The following RET variants were observed in gnomAD, a reference collection of about 807,000 sequenced individuals.
The protein encoded by RET is ret proto-oncogene.
A neutral mutation model predicts 118.3 loss-of-function variants in RET; 19 were observed. The observed-to-expected ratio is 0.16, with a 90% CI of 0.11 to 0.24. RET has a LOEUF of 0.24. Among genes scored for constraint, RET ranks in the 10% least tolerant of loss-of-function variants. The pLI is 1.00. For synonymous variants in RET, 597 were observed against 644.1 expected, an observed-to-expected ratio of 0.93 and a Z score of 1.11; for missense variants, 1,219 against 1,502.1, an observed-to-expected ratio of 0.81 and a Z score of 3.12.
At chr10:43,089,643 G>A (rs1018354251) in intron 1 of RET, among the ~76,000 whole-genome samples, 11 of 152,322 alleles carry the variant, frequency 7.2e-5, no homozygotes, top group African/African-American at 1.7e-4. Context: ...TACCAGGGCC[G>A]ACAGCATTGT....
rs375576038 is a variant in RET at position 43,102,395 on chromosome 10, T to C, written c.391T>C (p.Ser131Pro). Reference sequence around the variant, plus strand: ...CCTCAAGGTCTTCCTGTCACCCACATCCCTTCGTGAGGGCGAGTGCCAGTG... The same window carrying C: ...CCTCAAGGTCTTCCTGTCACCCACACCCCTTCGTGAGGGCGAGTGCCAGTG... ...VYLKVFLSPT[S>P]LREGECQWPG... Residue 131 changes from serine to proline, a missense_variant, in exon 3 of 20, where the codon TCC (serine) becomes CCC (proline). Around this residue, in one of 5 missense-constraint regions of RET, gnomAD observed 84 missense variants for 163.6 expected, o/e 0.51. Coordinates refer to ENST00000355710, the MANE Select transcript of RET (RefSeq NM_020975.6). The C allele has an allele frequency of 3.7e-6, 6 of 1,614,224 alleles. No individual in the cohort carries two copies. The highest frequency in any genetic ancestry group is 4.2e-6 in the Non-Finnish European group (5 of 1,180,034).
At position 43,102,541 on chromosome 10, in the gene RET, C is replaced by T. The variant is rs1837664079; in HGVS notation, c.537C>T (p.Asn179=). 6.2e-7 allele frequency: 1 copy of T among 1,614,122 alleles called. No individual in the cohort carries two copies. Among genetic ancestry groups the T allele is most frequent in the South Asian group, 1.1e-5 (1 of 91,086 alleles). The change falls in exon 3 of 20, where the codon AAC becomes AAT. Residue 179 remains asparagine (N), a synonymous_variant. Coordinates refer to ENST00000355710, the MANE Select transcript of RET (RefSeq NM_020975.6). The part of the protein sequence containing the change: ...ETRPSFRIRE[N]RPPGTFHQFR... ...GGCCCTCCTTCCGCATTCGGGAGAA[C>T]CGACCCCCAGGCACCTTCCACCAGT...
chr10:43,079,347 G>T (rs1380161298), intron 1 of RET, among the ~76,000 whole-genome samples: 1 of 152,198 alleles, frequency 6.6e-6, no homozygotes, highest in Non-Finnish European at 1.5e-5. Context: ...GGGACGCCAC[G>T]TGTGTATATA....
At chr10:43,118,913 A>G (rs919185286) in intron 13 of RET, among the ~76,000 whole-genome samples, 3 of 152,284 alleles carry the variant, frequency 2.0e-5, no homozygotes, top group Middle Eastern at 3.4e-3. Flanking sequence ...CATTGTCACC[A>G]TTTCTCAGAT....
chr10:43,087,014 G>C (rs756886755), intron 1 of RET, among the ~76,000 whole-genome samples: 1 of 152,244 alleles, frequency 6.6e-6, no homozygotes, highest in Non-Finnish European at 1.5e-5. Context: ...GCTTTTAGGG[G>C]TGTCAGGAGG....
intron 15 of RET, among the ~76,000 whole-genome samples, chr10:43,121,086 G>A (rs993343422): frequency 4.6e-5 from 7 of 152,210 alleles, no homozygotes; most frequent in Admixed American, 2.0e-4. Context: ...CAGAACTGCT[G>A]TGGGGGGAAG....
At chr10:43,084,836 C>T (rs1429181895) in intron 1 of RET, among the ~76,000 whole-genome samples, 2 of 152,202 alleles carry the variant, frequency 1.3e-5, no homozygotes, top group East Asian at 3.9e-4. Context: ...CAGGAACCGC[C>T]CTGTGAAGGA....
chr10:43,102,940 G>A (rs751139798), intron 3 of RET: 109 of 447,472 alleles, frequency 2.4e-4, no homozygotes, highest in Non-Finnish European at 3.4e-4. Context: ...AGGAAACTGG[G>A]AAGAGGGAAA....
intron 1 of RET, among the ~76,000 whole-genome samples, chr10:43,084,401 C>T (rs1468639483): frequency 2.0e-5 from 3 of 152,354 alleles, no homozygotes; most frequent in Non-Finnish European, 4.4e-5. Flanking sequence ...TCACTCTGGC[C>T]GTGCAGCCAG....
At chr10:43,100,374 A>C in intron 1 of RET, 85 bp from the exon 2 acceptor site, 2 of 1,513,098 alleles carry the variant, frequency 1.3e-6, no homozygotes, top group Non-Finnish European at 1.8e-6. Context: ...TAAGATCGGA[A>C]TTTTAAATTA....
At position 43,118,458 on chromosome 10, in the gene RET, G is replaced by A. The variant is rs75030001; in HGVS notation, c.2370G>A (p.Leu790=). 2 of 1,613,962 alleles carry A rather than the reference G, an allele frequency of 1.2e-6. No individual in the cohort carries two copies. The highest frequency in any genetic ancestry group is 1.7e-6 in the Non-Finnish European group (2 of 1,179,978). ...TCAACCACCCACATGTCATCAAATT[G>A]TATGGGGCCTGCAGCCAGGATGGTA... is the stretch of plus-strand genomic sequence containing the variant. The part of the protein sequence containing the change: ...KQVNHPHVIK[L]YGACSQDGPL... The change falls in exon 13 of 20, where the codon TTG becomes TTA. Residue 790 remains leucine (L), a synonymous_variant. Transcript: ENST00000355710.
chr10:43,127,437 A>G, intron 19 of RET: 2 of 1,055,938 alleles, frequency 1.9e-6, no homozygotes, highest in Non-Finnish European at 2.3e-6. Context: ...CTGTGGTCTT[A>G]CAATGGACAG....
intron 6 of RET, 91 bp downstream of exon 6, chr10:43,109,321 A>G (rs1168669114): frequency 1.6e-6 from 2 of 1,288,424 alleles, no homozygotes; most frequent in Middle Eastern, 2.4e-4. Context: ...CTCTTGGCCC[A>G]ACCAGCACAG....
intron 17 of RET, 118 bp downstream of exon 17, chr10:43,123,926 TGGGCA>T: frequency 6.7e-7 from 1 of 1,484,650 alleles, no homozygotes; most frequent in East Asian, 2.3e-5. Flanking sequence ...GGGTGGGGAG[TGGGCA>T]GGGCAGAGGT....
chr10:43,097,396 G>A (rs1837543924), intron 1 of RET, among the ~76,000 whole-genome samples: 1 of 152,150 alleles, frequency 6.6e-6, no homozygotes, highest in South Asian at 2.1e-4. Context: ...AGAGGTGTGT[G>A]TCCCAGAGAA....
rs143862573 is a variant in RET, at chr10:43,119,750, G to T, written c.2607+5G>T. ...CAGTATCTGGCCGAGATGAAGGTGC[G>T]TGCATATGGCTCTGCACCCAGCCAG... On this transcript the variant is annotated splice_donor_5th_base_variant and intron_variant, in intron 14 of 19. Transcript: ENST00000355710. The T allele has an allele frequency of 6.2e-7, 1 of 1,612,398 alleles. No homozygotes were observed. Among genetic ancestry groups the T allele is most frequent in the South Asian group, 1.1e-5 (1 of 91,068 alleles).
Position 43,102,527 on chromosome 10 carries a change from C to A in RET, c.523C>A (p.Arg175Ser), listed in dbSNP as rs1057521088. The A allele has an allele frequency of 6.2e-7, 1 of 1,614,226 alleles. No individual in the cohort carries two copies. The highest frequency in any genetic ancestry group is 8.5e-7 in the Non-Finnish European group (1 of 1,180,054). ...CTTCCCAGAGACAAGGCCCTCCTTC[C>A]GCATTCGGGAGAACCGACCCCCAGG... ...LCFPETRPSFRIRENRPPGTF... is the reference protein window; with the variant it reads ...LCFPETRPSFSIRENRPPGTF... The change falls in exon 3 of 20, where the codon CGC becomes AGC. Residue 175 changes from arginine (R) to serine (S), a missense_variant. By Grantham distance (110) the Arg-to-Ser change is moderately radical (BLOSUM62 -1). Around this residue, in one of 5 missense-constraint regions of RET, gnomAD observed 850 missense variants for 969.6 expected, o/e 0.88. Coordinates refer to ENST00000355710, the MANE Select transcript of RET (RefSeq NM_020975.6).
In RET at chr10:43,116,649, A is replaced by G; in HGVS notation, c.2202A>G (p.Glu734=). 1 of 1,614,182 alleles carries G rather than the reference A, an allele frequency of 6.2e-7. No individual in the cohort carries two copies. Among genetic ancestry groups the G allele is most frequent in the Non-Finnish European group, 8.5e-7 (1 of 1,180,032 alleles). The change falls in exon 12 of 20, where the codon GAA becomes GAG. Residue 734 remains glutamate, a synonymous_variant. Coordinates refer to ENST00000355710, the MANE Select transcript of RET (RefSeq NM_020975.6). ...TTGGAAAAACTCTAGGAGAAGGCGA[A>G]TTTGGAAAAGTGGTCAAGGCAACGG... ...LVLGKTLGEG[E]FGKVVKATAF...
Position 43,113,692 on chromosome 10 carries a change from C to T in RET, c.1879+17C>T, listed in dbSNP as rs369920430. On this transcript the variant is annotated intron_variant, in intron 10 of 19. Coordinates refer to ENST00000355710, the MANE Select transcript of RET (RefSeq NM_020975.6). ...ACATCCAGGGTGAGTGGGTGGCGGC[C>T]GGGACCACCACCACCTCCCAGCCCC... 5.6e-5 allele frequency: 91 copies of T among 1,612,198 alleles called. No individual in the cohort carries two copies. The highest frequency in any genetic ancestry group is 1.6e-4 in the Middle Eastern group (1 of 6,082).
Sources: gnomAD v4.1 joint callset for allele counts (sites outside exome capture counted in the v4.1 genomes callset) on GRCh38, gnomAD v4.1.1 for gene constraint, gnomAD v4.1.1 regional missense constraint, MANE v1.5 for transcripts, NCBI Gene and HGNC (gene_info 2026-07-23, HGNC 2026-07-21) for gene names.